TEC: variants seen among roughly 807,000 people sequenced by gnomAD.
TEC encodes the protein tec protein tyrosine kinase, also known as tyrosine-protein kinase Tec.
In TEC, 72 loss-of-function variants were observed where a neutral mutation model predicts 93.0. That is an observed-to-expected ratio of 0.77 (90% CI 0.64 to 0.94). The LOEUF (loss-of-function observed/expected upper bound fraction) is 0.94, where lower values mean the gene tolerates loss of function less well. TEC is among the 40% of genes least tolerant of loss of function. The probability of loss-of-function intolerance (pLI) is 0.00; values close to 1 mark genes in which losing one functional copy is unlikely to be tolerated. For missense variants in TEC, 630 were observed against 757.9 expected (o/e 0.83, Z 1.98); for synonymous variants, 249 against 247.7 (o/e 1.01, Z -0.05).
At chr4:48,181,045 G>A (rs1009556026) in intron 2 of TEC, among the ~76,000 whole-genome samples, 1 of 152,072 alleles carries the variant, frequency 6.6e-6, no homozygotes, top group East Asian at 1.9e-4. Context: ...AAGGACTGAG[G>A]GGGGCTAACG....
At chr4:48,226,204 CCAAA>C (rs1458988192) in intron 2 of TEC, among the ~76,000 whole-genome samples, 2 of 149,398 alleles carry the variant, frequency 1.3e-5, no homozygotes, top group Non-Finnish European at 1.5e-5. Flanking sequence ...ATACTGCGAA[CCAAA>C]CAATGTCGGT....
At chr4:48,233,114 T>G (rs1445409711) in intron 1 of TEC, among the ~76,000 whole-genome samples, 1 of 152,122 alleles carries the variant, frequency 6.6e-6, no homozygotes, top group African/African-American at 2.4e-5. Context: ...AATACCACAC[T>G]GAAAAGGAGG....
At chr4:48,156,199 C>T (rs1307198892) in intron 9 of TEC, among the ~76,000 whole-genome samples, 2 of 152,132 alleles carry the variant, frequency 1.3e-5, no homozygotes, top group Non-Finnish European at 2.9e-5. Flanking sequence ...CAGCCTGTTA[C>T]ATGGCAAGAG....
chr4:48,173,701 C>T (rs1721207724), intron 3 of TEC, among the ~76,000 whole-genome samples: 1 of 152,234 alleles, frequency 6.6e-6, no homozygotes, highest in Non-Finnish European at 1.5e-5. Flanking sequence ...CTTCCATCCA[C>T]TCATTCATTT....
At chr4:48,228,299 T>C (rs1162046487) in intron 2 of TEC, among the ~76,000 whole-genome samples, 178 bp downstream of exon 2, 3 of 152,226 alleles carry the variant, frequency 2.0e-5, no homozygotes, top group Non-Finnish European at 2.9e-5. Flanking sequence ...AATAAACCTA[T>C]AATTAACAGA....
intron 11 of TEC, 131 bp downstream of exon 11, chr4:48,149,426 C>A: frequency 1.1e-6 from 1 of 871,082 alleles, no homozygotes; most frequent in Non-Finnish European, 1.7e-6. Context: ...CTTTAATATG[C>A]AGTAATTTAA....
chr4:48,169,099 T>G (rs3792620), intron 5 of TEC, among the ~76,000 whole-genome samples: 57,789 of 151,922 alleles, frequency 0.38, 12,009 homozygotes, highest in East Asian at 0.9. Flanking sequence ...TGTGTACAAA[T>G]GGGGTGTGCC....
chr4:48,137,490 C>T lies in TEC; in HGVS notation c.1822G>A (p.Gly608Arg). ...AGCAGATCTTCGAAAGAAGGCCTTC[C>T]CTCTGGTTTCTACAATTAAAAGTCA... is the stretch of plus-strand genomic sequence containing the variant. ...MLRCWQEKPE[G>R]RPSFEDLLRT... The change falls in exon 18 of 18, where the codon GGA becomes AGA. Residue 608 changes from glycine (G) to arginine (R), a missense_variant. Coordinates refer to ENST00000381501, the MANE Select transcript of TEC (RefSeq NM_003215.3). 1 of 1,613,982 alleles carries T rather than the reference C, an allele frequency of 6.2e-7. No individual in the cohort carries two copies. Among genetic ancestry groups the T allele is most frequent in the Non-Finnish European group, 8.5e-7 (1 of 1,179,944 alleles).
chr4:48,211,040 T>G (rs1289375779), intron 2 of TEC, among the ~76,000 whole-genome samples: 1 of 152,208 alleles, frequency 6.6e-6, no homozygotes, highest in Non-Finnish European at 1.5e-5. Context: ...GAGGGAAGTA[T>G]TATTATTCTC....
chr4:48,209,958 A>C (rs1722842779), intron 2 of TEC, among the ~76,000 whole-genome samples: 1 of 152,256 alleles, frequency 6.6e-6, no homozygotes, highest in Non-Finnish European at 1.5e-5. Flanking sequence ...AGAACAAATG[A>C]AATGTTATGT....
intron 9 of TEC, among the ~76,000 whole-genome samples, chr4:48,151,755 G>A (rs1720178792): frequency 6.6e-6 from 1 of 152,188 alleles, no homozygotes; most frequent in Admixed American, 6.5e-5. Flanking sequence ...CCAAAGTGCT[G>A]GGATTACAGG....
rs576811234 is a variant in TEC at position 48,227,500 on chromosome 4, G to T, written c.138+977C>A. Among the ~76,000 whole-genome samples, 4 of 151,988 alleles carry T rather than the reference G, an allele frequency of 2.6e-5. No individual in the cohort carries two copies. The South Asian group carries it at 6.2e-4, about 24-fold the overall frequency. The stretch of plus-strand genomic sequence containing the variant: ...TCTACTAAAAATCCAAAAATTAGCC[G>T]AGTGCGGTGGCATGCACCTGTAAAT... On this transcript the variant is annotated intron_variant, in intron 2 of 17. Coordinates refer to ENST00000381501, the MANE Select transcript of TEC (RefSeq NM_003215.3).
intron 2 of TEC, among the ~76,000 whole-genome samples, chr4:48,181,351 C>G (rs1721574566): frequency 6.6e-6 from 1 of 151,844 alleles, no homozygotes; most frequent in Admixed American, 6.6e-5. Context: ...TGAAGGTAAC[C>G]CTGGGAGGTT....
intron 1 of TEC, among the ~76,000 whole-genome samples, chr4:48,242,149 A>G (rs764808349): frequency 1.3e-5 from 2 of 152,242 alleles, no homozygotes; most frequent in Non-Finnish European, 2.9e-5. Context: ...TCTGAAAATC[A>G]AATTTACTTA....
At position 48,144,457 on chromosome 4, in the gene TEC, AG is replaced by A. The variant is rs540453378; in HGVS notation, c.1470+621del. 1.7e-3 allele frequency among the ~76,000 whole-genome samples: 253 copies of A among 152,306 alleles called. 2 individuals carry two copies. The highest frequency in any genetic ancestry group is 6.8e-3 in the Middle Eastern group (2 of 294). On this transcript the variant is annotated intron_variant, in intron 14 of 17. Transcript: ENST00000381501. Reference sequence around the variant, plus strand: ...ATAGCTGAAAGCATCTGTAAAGAACAGGTAGAGAAGAAAAACAGAAGGAAAA... The same window carrying A: ...ATAGCTGAAAGCATCTGTAAAGAACAGTAGAGAAGAAAAACAGAAGGAAAA...
At chr4:48,247,180 C>T (rs764698445) in intron 1 of TEC, among the ~76,000 whole-genome samples, 12 of 152,116 alleles carry the variant, frequency 7.9e-5, no homozygotes, top group African/African-American at 1.4e-4. Flanking sequence ...CAAATTGAAA[C>T]GACGAGATAC....
rs1462980960 is a variant in TEC, at chr4:48,137,366, C to T, written c.*50G>A. 2 of 1,461,142 alleles carry T rather than the reference C, an allele frequency of 1.4e-6. No individual in the cohort carries two copies. The highest frequency in any genetic ancestry group is 4.5e-5 in the East Asian group (2 of 44,074). The allele number at this position is 1,461,142 out of a possible 1,614,324, so 90.5% of individuals were successfully genotyped here. On this transcript the variant is annotated 3_prime_UTR_variant, in exon 18 of 18. Coordinates refer to ENST00000381501, the MANE Select transcript of TEC (RefSeq NM_003215.3). ...TCAATAAATTAAAAGCCACAAAATG[C>T]CCATCCTTCCTTGTGCTTGGGAATC...
chr4:48,267,557 A>G (rs1724670294), intron 1 of TEC, among the ~76,000 whole-genome samples: 1 of 152,204 alleles, frequency 6.6e-6, no homozygotes, highest in African/African-American at 2.4e-5. Context: ...CTTTTTTCCA[A>G]CAGACTTGAA....
chr4:48,153,848 T>C lies in TEC; in HGVS notation c.792+2832A>G, dbSNP rs114509191. ...ATAATGCAAGGCATACACAAGGGAA[T>C]TGTAGCCTTATGGCCTGGATCATTC... On this transcript the variant is annotated intron_variant, in intron 9 of 17. Transcript: ENST00000381501. Among the ~76,000 whole-genome samples the C allele has an allele frequency of 7.2e-3, 1,096 of 152,294 alleles. 14 individuals carry two copies. Among genetic ancestry groups the C allele is most frequent in the African/African-American group, 0.025 (1,029 of 41,562 alleles).
Sources: gnomAD v4.1 joint callset for allele counts (sites outside exome capture counted in the v4.1 genomes callset) on GRCh38, gnomAD v4.1.1 for gene constraint, MANE v1.5 for transcripts, NCBI Gene and HGNC (gene_info 2026-07-23, HGNC 2026-07-21) for gene names.